Variants in DAB2 observed in about 807,000 individuals in gnomAD.
The protein encoded by DAB2 is disabled homolog 2.
DAB2 carries 28 observed loss-of-function variants against 71.6 expected under a neutral mutation model. That is an observed-to-expected ratio of 0.39 (90% CI 0.29 to 0.54). The LOEUF (loss-of-function observed/expected upper bound fraction) is 0.54. DAB2 is among the 20% of genes least tolerant of loss of function. DAB2 has a pLI of 0.68. For missense variants in DAB2, 867 were observed against 928.8 expected, an observed-to-expected ratio of 0.93 and a Z score of 0.86; for synonymous variants, 345 against 339.7, an observed-to-expected ratio of 1.02 and a Z score of -0.17.
chr5:39,402,597 T>TA, intron 1 of DAB2, among the ~76,000 whole-genome samples: 1 of 152,272 alleles, frequency 6.6e-6, no homozygotes, highest in Non-Finnish European at 1.5e-5. Flanking sequence ...TTTGTATTTT[T>TA]AGTAGAGACA....
Position 39,394,364 on chromosome 5 carries a change from G to C in DAB2, c.-44C>G. The C allele has an allele frequency of 7.0e-7, 1 of 1,425,604 alleles. No homozygotes were observed. The highest frequency in any genetic ancestry group is 2.3e-5 in the East Asian group (1 of 43,984). 88.3% of individuals were successfully genotyped at this position (1,425,604 alleles called of 1,614,324 possible). On this transcript the variant is annotated 5_prime_UTR_variant, in exon 2 of 15. Coordinates refer to ENST00000320816, the MANE Select transcript of DAB2 (RefSeq NM_001343.4). ...AAACCTCAGTACCAGTGGACACTTG[G>C]TGACACCAGGCGATCCCGATGGAGA...
chr5:39,400,376 C>G (rs1262890190), intron 1 of DAB2, among the ~76,000 whole-genome samples: 2 of 151,822 alleles, frequency 1.3e-5, no homozygotes, highest in Non-Finnish European at 2.9e-5. Context: ...GGGATTACAG[C>G]CACCCACCAC....
At chr5:39,421,238 A>G (rs1662975197) in intron 1 of DAB2, among the ~76,000 whole-genome samples, 1 of 152,234 alleles carries the variant, frequency 6.6e-6, no homozygotes, top group Non-Finnish European at 1.5e-5. Context: ...GGTGAAGGGT[A>G]TTCAATTTTC....
chr5:39,376,892 A>T lies in DAB2; in HGVS notation c.1895T>A (p.Ile632Asn), dbSNP rs772640861. ...PPPRAGPPKD[I>N]SSDAFTALDP... ...TAAGGCAGTGAAGGCATCACTGGAG[A>T]TGTCCTTGGGAGGGCCAGCTCTGGG... Residue 632 changes from isoleucine to asparagine, a missense_variant, in exon 12 of 15, where the codon ATC (isoleucine) becomes AAC (asparagine). Transcript: ENST00000320816. 1 of 1,614,114 alleles carries T rather than the reference A, an allele frequency of 6.2e-7. No individual in the cohort carries two copies. The highest frequency in any genetic ancestry group is 1.1e-5 in the South Asian group (1 of 91,076).
chr5:39,408,302 A>T (rs1207148790), intron 1 of DAB2: 1 of 152,238 alleles, frequency 6.6e-6, no homozygotes, highest in Non-Finnish European at 1.5e-5. Flanking sequence ...TCAAAACAAG[A>T]TCAGTTTAAC....
intron 1 of DAB2, among the ~76,000 whole-genome samples, chr5:39,412,953 T>A (rs1402652104): frequency 1.3e-5 from 2 of 152,192 alleles, no homozygotes; most frequent in Admixed American, 6.5e-5. Context: ...GATATTCATG[T>A]CTGCTTGGCT....
At chr5:39,419,848 T>C (rs568110417) in intron 1 of DAB2, among the ~76,000 whole-genome samples, 1 of 152,318 alleles carries the variant, frequency 6.6e-6, no homozygotes, top group East Asian at 1.9e-4. Flanking sequence ...ATGGGAAAAA[T>C]ATCCAAATCC....
chr5:39,387,710 C>G (rs956828909), intron 9 of DAB2: 9 of 150,900 alleles, frequency 6.0e-5, no homozygotes, highest in Non-Finnish European at 1.3e-4. Flanking sequence ...TTTTTTTTCC[C>G]TGAACCACCA....
At chr5:39,408,789 T>C (rs1222339827) in intron 1 of DAB2, 1 of 152,174 alleles carries the variant, frequency 6.6e-6, no homozygotes, top group Non-Finnish European at 1.5e-5. Flanking sequence ...CTCCTCTTGA[T>C]ACCAGTGTTC....
At position 39,389,856 on chromosome 5, in the gene DAB2, T is replaced by A; in HGVS notation, c.539A>T (p.Lys180Ile). 1 of 1,543,630 alleles carries A rather than the reference T, an allele frequency of 6.5e-7. No individual in the cohort carries two copies. Among genetic ancestry groups the A allele is most frequent in the Non-Finnish European group, 8.9e-7 (1 of 1,126,428 alleles). The change falls in exon 6 of 15, where the codon AAA becomes ATA. Residue 180 changes from lysine (K) to isoleucine (I), a missense_variant. Around this residue, in one of 2 missense-constraint regions of DAB2, gnomAD observed 740 missense variants for 734.3 expected, o/e 1.01. Coordinates refer to ENST00000320816, the MANE Select transcript of DAB2 (RefSeq NM_001343.4). Reference sequence around the variant, plus strand: ...CCTTAATCAGGTAGTACTTGCCTTTTTCTTTTCTTCTTCCTTTTTCTTTAC... The same window carrying A: ...CCTTAATCAGGTAGTACTTGCCTTTATCTTTTCTTCTTCCTTTTTCTTTAC... ...YNVKKKEEEK[K>I]KIEEASKAVE...
chr5:39,393,123 A>T (rs1755275402), intron 3 of DAB2, 131 bp downstream of exon 3: 3 of 870,276 alleles, frequency 3.4e-6, no homozygotes, highest in Non-Finnish European at 5.4e-6. Flanking sequence ...AAAATGGGGC[A>T]CTACTGATGG....
chr5:39,402,824 G>C (rs1276273760), intron 1 of DAB2, among the ~76,000 whole-genome samples: 1 of 152,190 alleles, frequency 6.6e-6, no homozygotes, highest in African/African-American at 2.4e-5. Flanking sequence ...GTTGGGTTCT[G>C]ATAGAAACAG....
In DAB2 at chr5:39,376,009, T is replaced by G. The variant is rs1355464143; in HGVS notation, c.2235A>C (p.Ser745=). The part of the protein sequence containing the change: ...ENPFFKDSFG[S]SQASVASSQP... ...AGTTCATACTTACAGAGGCTTGTGA[T>G]GAACCAAAAGAATCTTTAAAGAAAG... Residue 745 remains serine (S), a synonymous_variant, in exon 13 of 15, where the codon TCA becomes TCC. Coordinates refer to ENST00000320816, the MANE Select transcript of DAB2 (RefSeq NM_001343.4). The G allele has an allele frequency of 6.2e-7, 1 of 1,613,726 alleles. No individual in the cohort carries two copies. Among genetic ancestry groups the G allele is most frequent in the Admixed American group, 1.7e-5 (1 of 59,986 alleles).
chr5:39,388,267 CA>C, intron 9 of DAB2, 37 bp downstream of exon 9: 1 of 1,468,572 alleles, frequency 6.8e-7, no homozygotes. Context: ...TTATAGATGT[CA>C]TTTTATTACA....
At position 39,394,278 on chromosome 5, in the gene DAB2, C is replaced by T. The variant is rs201380557; in HGVS notation, c.43G>A (p.Asp15Asn). The change falls in exon 2 of 15, where the codon GAC becomes AAC. Residue 15 changes from aspartate (D) to asparagine (N), a missense_variant. Physicochemically the swap from Asp to Asn is conservative, Grantham distance 23 (BLOSUM62 1). Around this residue, in one of 2 missense-constraint regions of DAB2, gnomAD observed 127 missense variants for 194.4 expected, o/e 0.65. Coordinates refer to ENST00000320816, the MANE Select transcript of DAB2 (RefSeq NM_001343.4). ...GGTGCTTTTGGTGCGGCCTGTTGGT[C>T]GGGCTGACCATTGGTTGCACTTGTT... ...VETSATNGQP[D>N]QQAAPKAPSK... is the part of the protein sequence containing the mutation. 79 of 1,614,048 alleles carry T rather than the reference C, an allele frequency of 4.9e-5. No homozygotes were observed. In the East Asian group the frequency reaches 5.3e-4, roughly 11 times the overall value.
rs748062628 is a variant in DAB2, at chr5:39,392,406, T to C, written c.289A>G (p.Ile97Val). The C allele has an allele frequency of 3.1e-6, 5 of 1,614,126 alleles. No individual in the cohort carries two copies. Among genetic ancestry groups the C allele is most frequent in the Admixed American group, 1.7e-5 (1 of 60,006 alleles). The change falls in exon 4 of 15, where the codon ATT (isoleucine) becomes GTT (valine). Residue 97 changes from isoleucine (I) to valine (V), a missense_variant. Ile to Val is a conservative substitution (Grantham distance 29). Transcript: ENST00000320816. ...GQHKQRIWVNISLSGIKIIDE... is the reference protein window; with the variant it reads ...GQHKQRIWVNVSLSGIKIIDE... ...ATTATTTTTATCCCAGAAAGGGAAA[T>C]GTTGACCCAGATCCTTTGTTTGTGT...
intron 1 of DAB2, among the ~76,000 whole-genome samples, chr5:39,399,884 T>A (rs1579916751): frequency 6.6e-6 from 1 of 152,200 alleles, no homozygotes; most frequent in East Asian, 1.9e-4. Context: ...TGGCACTTCT[T>A]ATATATCCTT....
At chr5:39,399,659 C>T (rs1389957818) in intron 1 of DAB2, among the ~76,000 whole-genome samples, 2 of 152,202 alleles carry the variant, frequency 1.3e-5, no homozygotes, top group Admixed American at 6.5e-5. Context: ...GATTCTGGAG[C>T]TTGCAACATC....
In DAB2 at chr5:39,388,314, A is replaced by G. The variant is rs146626907; in HGVS notation, c.678T>C (p.Asn226=). 376 of 1,610,822 alleles carry G rather than the reference A, an allele frequency of 2.3e-4. 1 individual carries two copies. The African/African-American group carries it at 4.6e-3, about 20-fold the overall frequency. ...AAAAACAAACACTTACTGTTGGACT[A>G]TTTAGGTCAGGAGGTGTAGACATGT... is the stretch of plus-strand genomic sequence containing the variant. ...FGDMSTPPDL[N]SPTESKDILL... is the part of the protein sequence containing the mutation. Residue 226 remains asparagine, a synonymous_variant, in exon 9 of 15, where the codon AAT becomes AAC. Transcript: ENST00000320816.
Sources: gnomAD v4.1 joint callset for allele counts (sites outside exome capture counted in the v4.1 genomes callset) on GRCh38, gnomAD v4.1.1 for gene constraint, gnomAD v4.1.1 regional missense constraint, MANE v1.5 for transcripts, NCBI Gene and HGNC (gene_info 2026-07-23, HGNC 2026-07-21) for gene names.